Variants in GUCA1C observed in about 807,000 individuals in gnomAD.
GUCA1C encodes the protein guanylate cyclase activator 1C.
Under a neutral mutation model 16.2 loss-of-function variants are expected in GUCA1C, and 15 were observed. That is an observed-to-expected ratio of 0.93 (90% CI 0.62 to 1.43). GUCA1C has a LOEUF of 1.43. Ranked by LOEUF, GUCA1C falls within the 40% of genes most tolerant of loss-of-function variation. GUCA1C has a pLI of 0.00. For synonymous variants in GUCA1C, 78 were observed against 85.4 expected, an observed-to-expected ratio of 0.91 and a Z score of 0.48; for missense variants, 275 against 244.8, an observed-to-expected ratio of 1.12 and a Z score of -0.82.
intron 3 of GUCA1C, among the ~76,000 whole-genome samples, chr3:108,909,212 T>G (rs985465062): frequency 6.6e-6 from 1 of 152,220 alleles, no homozygotes; most frequent in Non-Finnish European, 1.5e-5. Context: ...CAATGCAAAA[T>G]GCTAAAATGC....
chr3:108,914,368 A>G (rs1233560178), intron 3 of GUCA1C, among the ~76,000 whole-genome samples: 1 of 152,198 alleles, frequency 6.6e-6, no homozygotes, highest in African/African-American at 2.4e-5. Context: ...CTTGGATAGT[A>G]AACAAAAAGT....
chr3:108,954,831 G>C (rs538627790), upstream of GUCA1C, among the ~76,000 whole-genome samples: 75 of 151,140 alleles, frequency 5.0e-4, no homozygotes, highest in Non-Finnish European at 9.9e-4. Context: ...CCACCTCCTG[G>C]GTTCACGCCA....
chr3:108,924,324 C>G (rs1415021416), intron 1 of GUCA1C, among the ~76,000 whole-genome samples: 1 of 152,048 alleles, frequency 6.6e-6, no homozygotes, highest in African/African-American at 2.4e-5. Context: ...CCCTTCTATA[C>G]CAATTTTGCT....
intron 3 of GUCA1C, among the ~76,000 whole-genome samples, chr3:108,911,221 T>C (rs184140074): frequency 6.6e-6 from 1 of 152,290 alleles, no homozygotes; most frequent in East Asian, 1.9e-4. Flanking sequence ...TTGATATTCC[T>C]AAATCGTGCA....
At chr3:108,922,520 G>T (rs933840881) in intron 1 of GUCA1C, among the ~76,000 whole-genome samples, 6 of 151,418 alleles carry the variant, frequency 4.0e-5, no homozygotes, top group Non-Finnish European at 8.8e-5. Context: ...TTTATTTTTT[G>T]ATTATGGCCA....
intron 1 of GUCA1C, among the ~76,000 whole-genome samples, chr3:108,925,116 T>G (rs2107290744): frequency 6.8e-6 from 1 of 147,592 alleles, no homozygotes; most frequent in African/African-American, 2.5e-5. Context: ...TTTTTTTTTT[T>G]GTTTCAATTT....
intron 1 of GUCA1C, among the ~76,000 whole-genome samples, chr3:108,935,466 A>G (rs1028146967): frequency 2.2e-4 from 34 of 152,066 alleles, no homozygotes; most frequent in African/African-American, 7.7e-4. Context: ...CGAGGAAGGC[A>G]GATCATGAGG....
intron 1 of GUCA1C, among the ~76,000 whole-genome samples, chr3:108,952,377 A>G (rs1319586817): frequency 1.3e-5 from 2 of 152,152 alleles, no homozygotes; most frequent in Admixed American, 6.5e-5. Flanking sequence ...TTGCATTGAC[A>G]CTAAGTAAAA....
intron 1 of GUCA1C, among the ~76,000 whole-genome samples, chr3:108,936,173 G>C (rs1946725605): frequency 6.6e-6 from 1 of 152,014 alleles, no homozygotes; most frequent in Non-Finnish European, 1.5e-5. Context: ...GAAGTGAAAG[G>C]ATCACCTGAG....
At chr3:108,922,679 T>C (rs1356813714) in intron 1 of GUCA1C, among the ~76,000 whole-genome samples, 1 of 152,118 alleles carries the variant, frequency 6.6e-6, no homozygotes, top group Non-Finnish European at 1.5e-5. Flanking sequence ...CCCACTTTTT[T>C]ATTATTATTA....
intron 1 of GUCA1C, among the ~76,000 whole-genome samples, chr3:108,924,654 T>C (rs939335006): frequency 1.4e-4 from 22 of 152,170 alleles, no homozygotes; most frequent in Admixed American, 7.2e-4. Flanking sequence ...ACTGGCTTAA[T>C]AGAAGGATTT....
intron 1 of GUCA1C, among the ~76,000 whole-genome samples, chr3:108,933,091 T>C (rs761270114): frequency 3.9e-5 from 6 of 152,212 alleles, no homozygotes; most frequent in Non-Finnish European, 7.3e-5. Flanking sequence ...TATGTCATAC[T>C]CTTCCATTTC....
intron 1 of GUCA1C, among the ~76,000 whole-genome samples, chr3:108,925,899 C>A (rs2107291661): frequency 6.6e-6 from 1 of 152,276 alleles, no homozygotes; most frequent in African/African-American, 2.4e-5. Context: ...CCAGACTGAC[C>A]AACATGGTGA....
At chr3:108,918,040 G>T (rs539634504) in intron 2 of GUCA1C, among the ~76,000 whole-genome samples, 1 of 151,926 alleles carries the variant, frequency 6.6e-6, no homozygotes, top group Non-Finnish European at 1.5e-5. Context: ...GCGAGACTCC[G>T]TCTCAAAAAA....
At chr3:108,947,957 T>C (rs1390672855) in intron 1 of GUCA1C, among the ~76,000 whole-genome samples, 3 of 152,324 alleles carry the variant, frequency 2.0e-5, no homozygotes, top group South Asian at 2.1e-4. Context: ...ATCAATGTCA[T>C]TTTTTAAGGT....
upstream of GUCA1C, among the ~76,000 whole-genome samples, chr3:108,954,542 A>T (rs1265373063): frequency 6.6e-6 from 1 of 152,074 alleles, no homozygotes; most frequent in Admixed American, 6.6e-5. Context: ...TAATCTGGCT[A>T]ATCTTGTCCT....
intron 1 of GUCA1C, among the ~76,000 whole-genome samples, chr3:108,923,132 ACT>A (rs1946585176): frequency 6.6e-6 from 1 of 151,878 alleles, no homozygotes; most frequent in African/African-American, 2.4e-5. Flanking sequence ...TTGTCTGTAA[ACT>A]CTGCTGATTA....
intron 1 of GUCA1C, among the ~76,000 whole-genome samples, chr3:108,945,683 CG>C (rs1463293770): frequency 6.6e-6 from 1 of 152,030 alleles, no homozygotes; most frequent in Non-Finnish European, 1.5e-5. Flanking sequence ...TAAGCATGTA[CG>C]TAGAACATGT....
At chr3:108,949,598 C>A (rs1006697994) in intron 1 of GUCA1C, among the ~76,000 whole-genome samples, 2 of 152,088 alleles carry the variant, frequency 1.3e-5, no homozygotes, top group African/African-American at 4.8e-5. Flanking sequence ...AATTACATTC[C>A]CCAAAGGTCT....
Sources: gnomAD v4.1 joint callset for allele counts (sites outside exome capture counted in the v4.1 genomes callset) on GRCh38, gnomAD v4.1.1 for gene constraint, MANE v1.5 for transcripts, NCBI Gene and HGNC (gene_info 2026-07-23, HGNC 2026-07-21) for gene names.